FAT2: variants seen among roughly 807,000 people sequenced by gnomAD.
The protein encoded by FAT2 is protocadherin Fat 2.
In FAT2, 150 loss-of-function variants were observed where a neutral mutation model predicts 295.3. The ratio of observed to expected loss-of-function variants is 0.51; its 90% CI spans 0.44 to 0.58. FAT2 has a LOEUF of 0.58. FAT2 is among the 20% of genes least tolerant of loss of function. The probability of loss-of-function intolerance (pLI) is 0.00; values close to 1 mark genes in which losing one functional copy is unlikely to be tolerated. For missense variants in FAT2, 4,868 were observed against 5,442.7 expected (o/e 0.89, Z 3.32); for synonymous variants, 2,026 against 2,150.3 (o/e 0.94, Z 1.60).
intron 12 of FAT2, among the ~76,000 whole-genome samples, chr5:151,536,506 C>T (rs980139816): frequency 6.6e-6 from 1 of 152,164 alleles, no homozygotes; most frequent in Non-Finnish European, 1.5e-5. Flanking sequence ...CATCTCCACA[C>T]CCTCCCCTGC....
intron 5 of FAT2, 61 bp downstream of exon 5, chr5:151,554,301 C>T (rs1272134827): frequency 6.7e-7 from 1 of 1,498,008 alleles, no homozygotes; most frequent in African/African-American, 1.4e-5. Flanking sequence ...CCTGAATTCT[C>T]AAAGAAGGCC....
intron 13 of FAT2, among the ~76,000 whole-genome samples, chr5:151,533,768 A>G (rs1464459215): frequency 1.3e-5 from 2 of 151,914 alleles, no homozygotes; most frequent in Non-Finnish European, 2.9e-5. Flanking sequence ...ATATATATAT[A>G]TCACATTAAT....
chr5:151,520,946 T>C (rs1324719509), intron 19 of FAT2, among the ~76,000 whole-genome samples: 1 of 152,246 alleles, frequency 6.6e-6, no homozygotes, highest in Admixed American at 6.5e-5. Flanking sequence ...GAGGTTAATT[T>C]TCCTAAAGTC....
In FAT2 at chr5:151,534,564, C is replaced by T. The variant is rs761682057; in HGVS notation, c.9272G>A (p.Gly3091Asp). ...GATGTCTGCCTGGCACGATCGGCCA[C>T]CTCCATCCGTCGCCTTGGCAACAAG... ...FNLVAKATDG[G>D]GRSCQADITL... Residue 3091 changes from glycine (G) to aspartate (D), a missense_variant, in exon 13 of 24, where the codon GGT (glycine) becomes GAT (aspartate). Coordinates refer to ENST00000261800, the MANE Select transcript of FAT2 (RefSeq NM_001447.3). 2 of 1,614,130 alleles carry T rather than the reference C, an allele frequency of 1.2e-6. No homozygotes were observed. Among genetic ancestry groups the T allele is most frequent in the Admixed American group, 1.7e-5 (1 of 60,020 alleles).
chr5:151,524,683 C>A (rs1219528004), intron 18 of FAT2, among the ~76,000 whole-genome samples: 1 of 152,192 alleles, frequency 6.6e-6, no homozygotes, highest in Non-Finnish European at 1.5e-5. Context: ...AGCCACAAGG[C>A]CCACATGATC....
At chr5:151,576,916 A>G (rs372726146) in intron 1 of FAT2, among the ~76,000 whole-genome samples, 2 of 152,350 alleles carry the variant, frequency 1.3e-5, no homozygotes, top group Admixed American at 6.5e-5. Context: ...CCTAGGATAC[A>G]AACCTGTACG....
intron 6 of FAT2, 67 bp from the exon 7 acceptor site, chr5:151,551,673 C>A (rs2127623810): frequency 6.4e-7 from 1 of 1,567,068 alleles, no homozygotes; most frequent in Non-Finnish European, 8.7e-7. Context: ...ATAAGATAGG[C>A]TTTGGTTGTC....
intron 18 of FAT2, among the ~76,000 whole-genome samples, chr5:151,523,033 C>T (rs1459418874): frequency 6.6e-6 from 1 of 152,180 alleles, no homozygotes; most frequent in Non-Finnish European, 1.5e-5. Context: ...GGCTTGCCTT[C>T]TTCTCCTCAG....
Position 151,537,875 on chromosome 5 carries a change from G to A in FAT2, c.9111C>T (p.Asp3037=), listed in dbSNP as rs780294939. 2 of 1,614,188 alleles carry A rather than the reference G, an allele frequency of 1.2e-6. No individual in the cohort carries two copies. Among genetic ancestry groups the A allele is most frequent in the South Asian group, 2.2e-5 (2 of 91,086 alleles). The change falls in exon 12 of 24, where the codon GAC becomes GAT. Residue 3037 remains aspartate, a synonymous_variant. Coordinates refer to ENST00000261800, the MANE Select transcript of FAT2 (RefSeq NM_001447.3). Reference sequence around the variant, plus strand: ...TCTGAGCATTGGTATCAGTGTCCAAGTCTGTGGCAGAAACCTTCAAAATGA... The same window carrying A: ...TCTGAGCATTGGTATCAGTGTCCAAATCTGTGGCAGAAACCTTCAAAATGA... ...GHFILKVSAT[D]LDTDTNAQIT...
Position 151,543,283 on chromosome 5 carries a change from C to G in FAT2, c.7844G>C (p.Gly2615Ala), listed in dbSNP as rs2127607244. ...IQVLAYDADE[G>A]QNADVTYSVN... ...TGAGTAGGTGACATCTGCGTTCTGA[C>G]CTTCATCTGCATCATAGGCCAACAC... Residue 2615 changes from glycine to alanine, a missense_variant, in exon 10 of 24, where the codon GGT becomes GCT. Around this residue, in one of 5 missense-constraint regions of FAT2, gnomAD observed 3,297 missense variants for 3,669.4 expected, o/e 0.90. Coordinates refer to ENST00000261800, the MANE Select transcript of FAT2 (RefSeq NM_001447.3). 1.2e-6 allele frequency: 2 copies of G among 1,614,172 alleles called. No homozygotes were observed. The highest frequency in any genetic ancestry group is 1.7e-6 in the Non-Finnish European group (2 of 1,180,032).
chr5:151,545,495 C>T lies in FAT2; in HGVS notation c.5632G>A (p.Glu1878Lys), dbSNP rs1339906464. The T allele has an allele frequency of 1.2e-6, 2 of 1,614,184 alleles. No homozygotes were observed. Among genetic ancestry groups the T allele is most frequent in the South Asian group, 1.1e-5 (1 of 91,082 alleles). Reference protein sequence around the residue: ...SPPRFSEQIYEVAIVGPIHPG... With the variant: ...SPPRFSEQIYKVAIVGPIHPG... ...TGGATAGGCCCGACTATTGCTACCT[C>T]ATATATCTGTTCTGAGAATCTGGGA... Residue 1878 changes from glutamate (E) to lysine (K), a missense_variant, in exon 10 of 24, where the codon GAG becomes AAG. Around this residue, in one of 5 missense-constraint regions of FAT2, gnomAD observed 3,297 missense variants for 3,669.4 expected, o/e 0.90. Transcript: ENST00000261800.
At chr5:151,537,330 AAAG>A (rs760985082) in intron 12 of FAT2, among the ~76,000 whole-genome samples, 209 of 1,656 alleles carry the variant, frequency 0.13, no homozygotes, top group East Asian at 0.29. Context: ...AGAAAAAAAG[AAAG>A]AAAAGAAAAG....
intron 22 of FAT2, 112 bp from the exon 23 acceptor site, chr5:151,507,723 G>T: frequency 1.0e-6 from 1 of 966,622 alleles, no homozygotes; most frequent in Non-Finnish European, 1.5e-6. Flanking sequence ...ACCATCTCCC[G>T]TTTTTCACCC....
intron 12 of FAT2, among the ~76,000 whole-genome samples, chr5:151,536,806 A>G (rs1259115658): frequency 6.6e-6 from 1 of 152,146 alleles, no homozygotes; most frequent in Non-Finnish European, 1.5e-5. Flanking sequence ...CTTGGCCATG[A>G]CACTCACCTG....
Position 151,565,793 on chromosome 5 carries a change from A to C in FAT2, c.3139T>G (p.Ser1047Ala). ...HQGQVQENSP[S>A]GTQVIVVAAQ... is the part of the protein sequence containing the mutation. ...GCCACTACAATCACCTGAGTTCCCG[A>C]GGGGCTGTTCTCCTGCACCTGGCCC... Residue 1047 changes from serine to alanine, a missense_variant, in exon 2 of 24, where the codon TCG becomes GCG. Transcript: ENST00000261800. 1 of 1,613,998 alleles carries C rather than the reference A, an allele frequency of 6.2e-7. No homozygotes were observed.
Position 151,505,824 on chromosome 5 carries a change from A to G in FAT2, c.12791T>C (p.Val4264Ala). 2 of 1,613,372 alleles carry G rather than the reference A, an allele frequency of 1.2e-6. No homozygotes were observed. Among genetic ancestry groups the G allele is most frequent in the Non-Finnish European group, 8.5e-7 (1 of 1,179,756 alleles). ...CGTGTACTCATTGAGACAGGGGGCA[A>G]CCAGGCGCTCCCGGGGACTAGGGGG... ...SRPPSPRERLVAPCLNEYTAI... is the reference protein window; with the variant it reads ...SRPPSPRERLAAPCLNEYTAI... The change falls in exon 24 of 24, where the codon GTT becomes GCT. Residue 4264 changes from valine (V) to alanine (A), a missense_variant. Val to Ala is a moderately conservative substitution (Grantham distance 64, BLOSUM62 0). Around this residue, in one of 5 missense-constraint regions of FAT2, gnomAD observed 492 missense variants for 482.6 expected, o/e 1.02. Coordinates refer to ENST00000261800, the MANE Select transcript of FAT2 (RefSeq NM_001447.3).
In FAT2 at chr5:151,542,350, G is replaced by T. The variant is rs377736336; in HGVS notation, c.8777C>A (p.Ala2926Glu). The T allele has an allele frequency of 6.2e-7, 1 of 1,613,912 alleles. No individual in the cohort carries two copies. Among genetic ancestry groups the T allele is most frequent in the Non-Finnish European group, 8.5e-7 (1 of 1,179,930 alleles). Residue 2926 changes from alanine (A) to glutamate (E), a missense_variant, in exon 10 of 24, where the codon GCG (alanine) becomes GAG (glutamate). Physicochemically the swap from Ala to Glu is moderately radical, Grantham distance 107. This residue lies in a region of FAT2 where 3,297 missense variants were observed against 3,669.4 expected (regional missense o/e 0.90). Transcript: ENST00000261800. ...GTCAGCATCCAGGGTCTTTAGAGTC[G>T]CCACCAGTTCGCCAGGCTCACTGTT... ...VENSEPGELV[A>E]TLKTLDADIS...
chr5:151,575,847 G>A (rs1200522225), intron 1 of FAT2, among the ~76,000 whole-genome samples: 1 of 152,212 alleles, frequency 6.6e-6, no homozygotes, highest in Non-Finnish European at 1.5e-5. Flanking sequence ...TCCAGGGTGG[G>A]AGCCATGAGC....
At chr5:151,591,576 GGTCACACA>G (rs1204166843), upstream of FAT2, among the ~76,000 whole-genome samples, 3 of 152,146 alleles carry the variant, frequency 2.0e-5, no homozygotes, top group African/African-American at 7.2e-5. Flanking sequence ...TGTTGCCCCA[GGTCACACA>G]GTCACACAGA....
Sources: gnomAD v4.1 joint callset for allele counts (sites outside exome capture counted in the v4.1 genomes callset) on GRCh38, gnomAD v4.1.1 for gene constraint, gnomAD v4.1.1 regional missense constraint, MANE v1.5 for transcripts, NCBI Gene and HGNC (gene_info 2026-07-23, HGNC 2026-07-21) for gene names.